STARD9: variants seen among roughly 807,000 people sequenced by gnomAD.
STARD9 encodes the protein stAR-related lipid transfer protein 9.
Under a neutral mutation model 399.8 loss-of-function variants are expected in STARD9, and 346 were observed. The ratio of observed to expected loss-of-function variants is 0.87; its 90% confidence interval spans 0.79 to 0.95. The LOEUF is 0.95. Ranked by LOEUF, STARD9 falls within the 40% of genes least tolerant of loss-of-function variation. STARD9 has a pLI of 0.00. For synonymous variants in STARD9, 2,203 were observed against 2,143.5 expected, an observed-to-expected ratio of 1.03 and a Z score of -0.77; for missense variants, 5,832 against 5,667.5, an observed-to-expected ratio of 1.03 and a Z score of -0.93.
intron 3 of STARD9, among the ~76,000 whole-genome samples, chr15:42,600,862 C>CT (rs58223128): frequency 0.084 from 10,783 of 128,064 alleles, 426 homozygotes; most frequent in East Asian, 0.14. Context: ...GTTTTTCTTT[C>CT]TTTTTTTTTT....
chr15:42,714,692 G>T (rs913381555), intron 26 of STARD9, among the ~76,000 whole-genome samples: 1 of 152,016 alleles, frequency 6.6e-6, no homozygotes, highest in Non-Finnish European at 1.5e-5. Context: ...GGATTCTCCC[G>T]CCCAGCCTCC....
At chr15:42,595,509 T>C (rs80004032) in intron 3 of STARD9, among the ~76,000 whole-genome samples, 7 of 152,332 alleles carry the variant, frequency 4.6e-5, no homozygotes, top group African/African-American at 1.7e-4. Context: ...ACTGACAAGA[T>C]AGGACTCTGC....
chr15:42,645,023 TG>T (rs1474317487), intron 7 of STARD9, among the ~76,000 whole-genome samples: 2 of 152,210 alleles, frequency 1.3e-5, no homozygotes, highest in Non-Finnish European at 2.9e-5. Flanking sequence ...CTACTTCTCT[TG>T]ATAGTTCCAC....
rs1382901604 is a variant in STARD9 at position 42,682,213 on chromosome 15, T to C, written c.2175T>C (p.Ala725=). The C allele has an allele frequency of 3.9e-6, 6 of 1,537,262 alleles. No homozygotes were observed. The South Asian group carries it at 7.1e-5, about 18-fold the overall frequency. ...TTGAGGCATCTGTGGCACTTGATGCTTGGCTTCAGACAGATCCTGAGATTC... is the reference window on the plus strand; with the variant it reads ...TTGAGGCATCTGTGGCACTTGATGCCTGGCTTCAGACAGATCCTGAGATTC... ...KELEASVALD[A]WLQTDPEIQP... The change falls in exon 22 of 33, where the codon GCT becomes GCC. Residue 725 remains alanine, a synonymous_variant. Coordinates refer to ENST00000290607, the MANE Select transcript of STARD9 (RefSeq NM_020759.3).
chr15:42,620,818 A>G (rs891861831), intron 3 of STARD9, among the ~76,000 whole-genome samples: 1 of 151,740 alleles, frequency 6.6e-6, no homozygotes, highest in East Asian at 1.9e-4. Context: ...GCAGTGGCAC[A>G]ATCTTGGCTC....
At chr15:42,625,857 AGAAT>A (rs1413742612) in intron 3 of STARD9, among the ~76,000 whole-genome samples, 2 of 152,096 alleles carry the variant, frequency 1.3e-5, no homozygotes, top group East Asian at 3.9e-4. Flanking sequence ...TAAAAGAAAA[AGAAT>A]GACCCCTAAG....
At chr15:42,618,141 A>G (rs763058152) in intron 3 of STARD9, among the ~76,000 whole-genome samples, 2 of 150,898 alleles carry the variant, frequency 1.3e-5, no homozygotes, top group Non-Finnish European at 3.0e-5. Context: ...TTTATTTACT[A>G]TTTATTTATG....
chr15:42,716,583 A>T (rs1430080507), intron 26 of STARD9, 94 bp from the exon 27 acceptor site: 3 of 786,428 alleles, frequency 3.8e-6, no homozygotes, highest in Admixed American at 4.2e-5. Flanking sequence ...CAGTTGAGTC[A>T]TCCCACTGGA....
Position 42,692,339 on chromosome 15 carries a change from G to T in STARD9, c.10761G>T (p.Arg3587Ser), listed in dbSNP as rs937236280. 6.5e-7 allele frequency: 1 copy of T among 1,536,976 alleles called. No homozygotes were observed. Among genetic ancestry groups the T allele is most frequent in the Admixed American group, 2.0e-5 (1 of 51,002 alleles). ...GVAPTSGHDRRPQFRGPSGEA... is the reference protein window; with the variant it reads ...GVAPTSGHDRSPQFRGPSGEA... ...CCCCCACTTCGGGTCATGACAGAAGGCCTCAGTTCAGGGGCCCTTCTGGTG... is the reference window on the plus strand; with the variant it reads ...CCCCCACTTCGGGTCATGACAGAAGTCCTCAGTTCAGGGGCCCTTCTGGTG... The change falls in exon 23 of 33, where the codon AGG becomes AGT. Residue 3587 changes from arginine to serine, a missense_variant. Transcript: ENST00000290607.
intron 17 of STARD9, 143 bp downstream of exon 17, chr15:42,674,634 C>T (rs2060272283): frequency 4.9e-6 from 6 of 1,213,620 alleles, no homozygotes; most frequent in Non-Finnish European, 6.9e-6. Flanking sequence ...TGCTAGGTTT[C>T]AGGTCTGGGA....
chr15:42,662,618 A>G (rs1273477240), intron 10 of STARD9, among the ~76,000 whole-genome samples, 176 bp from the exon 11 acceptor site: 3 of 152,260 alleles, frequency 2.0e-5, no homozygotes, highest in Non-Finnish European at 4.4e-5. Context: ...AAGCAGAAAA[A>G]GTCCAGTTCA....
intron 20 of STARD9, among the ~76,000 whole-genome samples, chr15:42,680,740 G>C (rs927565387): frequency 7.2e-5 from 11 of 152,114 alleles, no homozygotes; most frequent in South Asian, 2.1e-4. Flanking sequence ...ACTGGATCTA[G>C]ACAAATTCTT....
At chr15:42,652,441 C>T in intron 8 of STARD9, 79 bp from the exon 9 acceptor site, 1 of 1,205,178 alleles carries the variant, frequency 8.3e-7, no homozygotes, top group Non-Finnish European at 1.2e-6. Context: ...ACTAACATTT[C>T]TTGTATTCTG....
intron 3 of STARD9, among the ~76,000 whole-genome samples, chr15:42,589,927 T>C (rs1350880508): frequency 6.8e-6 from 1 of 148,108 alleles, no homozygotes; most frequent in Non-Finnish European, 1.5e-5. Flanking sequence ...TACTGTTGTG[T>C]GTGTCACATC....
intron 22 of STARD9, among the ~76,000 whole-genome samples, chr15:42,682,787 A>T (rs2060462585): frequency 6.6e-6 from 1 of 151,704 alleles, no homozygotes; most frequent in African/African-American, 2.4e-5. Flanking sequence ...CATCTTCCTT[A>T]CCCCCTGAGT....
chr15:42,684,978 C>T lies in STARD9; in HGVS notation c.3400C>T (p.Pro1134Ser), dbSNP rs751700037. ...GCCAGAGGAGAGGAAATGGGATTTC[C>T]CAGAGCCAGAGAACTCTGAAAGTGA... is the stretch of plus-strand genomic sequence containing the variant. Reference protein sequence around the residue: ...LKPEERKWDFPEPENSESDDS... With the variant: ...LKPEERKWDFSEPENSESDDS... Residue 1134 changes from proline (P) to serine (S), a missense_variant, in exon 23 of 33, where the codon CCA becomes TCA. Pro to Ser is a moderately conservative substitution (Grantham distance 74). This residue lies in a region of STARD9 where 5,828 missense variants were observed against 5,651.1 expected (regional missense o/e 1.03). Coordinates refer to ENST00000290607, the MANE Select transcript of STARD9 (RefSeq NM_020759.3). The T allele has an allele frequency of 6.5e-7, 1 of 1,536,878 alleles. No individual in the cohort carries two copies. The highest frequency in any genetic ancestry group is 8.7e-7 in the Non-Finnish European group (1 of 1,146,916).
At chr15:42,639,414 C>T (rs1484068421) in intron 7 of STARD9, among the ~76,000 whole-genome samples, 1 of 152,150 alleles carries the variant, frequency 6.6e-6, no homozygotes, top group Non-Finnish European at 1.5e-5. Flanking sequence ...AGACATCAGA[C>T]ATGGGGTAGG....
In STARD9 at chr15:42,691,798, A is replaced by G. The variant is rs573052560; in HGVS notation, c.10220A>G (p.Tyr3407Cys). The change falls in exon 23 of 33, where the codon TAT (tyrosine) becomes TGT (cysteine). Residue 3407 changes from tyrosine (Y) to cysteine (C), a missense_variant. By Grantham distance (194) the Tyr-to-Cys change is radical. Coordinates refer to ENST00000290607, the MANE Select transcript of STARD9 (RefSeq NM_020759.3). ...HRHLKPATPP[Y>C]PMPSTLSHMP... The stretch of plus-strand genomic sequence containing the variant: ...CACCTGAAGCCTGCCACCCCTCCTT[A>G]TCCAATGCCTTCCACTCTCTCACAC... 1.3e-5 allele frequency: 20 copies of G among 1,537,078 alleles called. No individual in the cohort carries two copies. In the East Asian group the frequency reaches 3.4e-4, roughly 26 times the overall value.
chr15:42,673,582 A>C (rs896111083), intron 16 of STARD9, among the ~76,000 whole-genome samples: 3 of 152,198 alleles, frequency 2.0e-5, no homozygotes, highest in African/African-American at 7.2e-5. Flanking sequence ...TCATCAATAA[A>C]AAGGAGATGT....
Sources: allele counts gnomAD v4.1 joint callset (sites outside exome capture counted in the v4.1 genomes callset), GRCh38; gene constraint gnomAD v4.1.1; regional missense constraint gnomAD v4.1.1; transcripts MANE v1.5; gene names NCBI Gene and HGNC (gene_info 2026-07-23, HGNC 2026-07-21).